The following FRMD6 variants were observed in gnomAD, a reference collection of about 807,000 sequenced individuals.
The protein encoded by FRMD6 is FERM domain containing 6.
A neutral mutation model predicts 73.2 loss-of-function variants in FRMD6; 37 were observed. That is an observed-to-expected ratio of 0.51 (90% CI 0.39 to 0.66). FRMD6 has a LOEUF of 0.66. Ranked by LOEUF, FRMD6 falls within the 30% of genes least tolerant of loss-of-function variation. FRMD6 has a pLI of 0.00. For missense variants in FRMD6, 714 were observed against 780.5 expected, an observed-to-expected ratio of 0.91 and a Z score of 1.02; for synonymous variants, 273 against 282.2, an observed-to-expected ratio of 0.97 and a Z score of 0.33.
intron 1 of FRMD6, among the ~76,000 whole-genome samples, chr14:51,540,146 C>G (rs986349771): frequency 6.6e-6 from 1 of 151,976 alleles, no homozygotes; most frequent in African/African-American, 2.4e-5. Context: ...TCCCCAGAAT[C>G]AGGAGAAACA....
At chr14:51,678,890 A>C (rs1297495988) in intron 1 of FRMD6, among the ~76,000 whole-genome samples, 3 of 152,142 alleles carry the variant, frequency 2.0e-5, no homozygotes. Context: ...GGCAGAGGGA[A>C]CAGCATGGTC....
At chr14:51,657,737 T>C (rs1488322347) in intron 1 of FRMD6, among the ~76,000 whole-genome samples, 8 of 152,098 alleles carry the variant, frequency 5.3e-5, no homozygotes, top group Non-Finnish European at 1.2e-4. Flanking sequence ...AGAGGTAAGA[T>C]GTGAGAGGAA....
chr14:51,627,818 A>G (rs942064581), intron 2 of FRMD6, among the ~76,000 whole-genome samples: 1 of 152,202 alleles, frequency 6.6e-6, no homozygotes, highest in Non-Finnish European at 1.5e-5. Flanking sequence ...GAGTCACAGG[A>G]CAGTGAATAG....
Position 51,715,354 on chromosome 14 carries a change from C to T in FRMD6, c.879C>T (p.Gly293=). 2 of 1,581,514 alleles carry T rather than the reference C, an allele frequency of 1.3e-6. No homozygotes were observed. Among genetic ancestry groups the T allele is most frequent in the Non-Finnish European group, 1.7e-6 (2 of 1,162,548 alleles). The change falls in exon 10 of 14, where the codon GGC becomes GGT. Residue 293 remains glycine, a synonymous_variant. Transcript: ENST00000344768. Reference sequence around the variant, plus strand: ...AGAAATTTGAGATTTTGCCAGATGGCTTGCCTTCTGCCCGGAAGCTCATAT... The same window carrying T: ...AGAAATTTGAGATTTTGCCAGATGGTTTGCCTTCTGCCCGGAAGCTCATAT... ...VGKKFEILPD[G]LPSARKLIYY...
intron 7 of FRMD6, among the ~76,000 whole-genome samples, chr14:51,710,313 G>C (rs1321454165): frequency 6.6e-6 from 1 of 152,066 alleles, no homozygotes; most frequent in Non-Finnish European, 1.5e-5. Context: ...TTTAGGAGCT[G>C]CTCATAAACG....
intron 1 of FRMD6, among the ~76,000 whole-genome samples, chr14:51,491,938 T>C (rs902077930): frequency 6.6e-6 from 1 of 152,196 alleles, no homozygotes; most frequent in Non-Finnish European, 1.5e-5. Flanking sequence ...GCCTGTGAGT[T>C]GTCTCTCCAA....
intron 1 of FRMD6, among the ~76,000 whole-genome samples, chr14:51,531,258 A>G (rs1885565974): frequency 6.6e-6 from 1 of 152,202 alleles, no homozygotes; most frequent in Admixed American, 6.5e-5. Context: ...TATCAACATC[A>G]TGTACCCCTT....
chr14:51,569,572 C>T (rs1268761273), intron 1 of FRMD6, among the ~76,000 whole-genome samples: 3 of 145,432 alleles, frequency 2.1e-5, no homozygotes, highest in African/African-American at 7.7e-5. Context: ...GGTGTGAACA[C>T]AGCTCATTGC....
intron 1 of FRMD6, among the ~76,000 whole-genome samples, chr14:51,500,806 A>G (rs1039644389): frequency 4.6e-5 from 7 of 152,178 alleles, no homozygotes; most frequent in Non-Finnish European, 8.8e-5. Flanking sequence ...GGTGTGAGTC[A>G]CATGTAGCTT....
intron 1 of FRMD6, among the ~76,000 whole-genome samples, chr14:51,680,056 A>G (rs1894692094): frequency 6.6e-6 from 1 of 152,194 alleles, no homozygotes; most frequent in South Asian, 2.1e-4. Context: ...ACAAAGAACA[A>G]AACTTTGAAA....
chr14:51,597,768 T>G (rs1889803543), intron 2 of FRMD6, among the ~76,000 whole-genome samples: 1 of 152,208 alleles, frequency 6.6e-6, no homozygotes, highest in Admixed American at 6.5e-5. Flanking sequence ...GTAAAGAAAT[T>G]CCAAGACCAG....
the FRMD6 span, among the ~76,000 whole-genome samples, chr14:51,433,867 A>G: frequency 6.6e-6 from 1 of 152,258 alleles, no homozygotes; most frequent in African/African-American, 2.4e-5. Flanking sequence ...ACAGTAAGAA[A>G]AGTAGCATTG....
At chr14:51,576,457 T>C (rs1888408589) in intron 2 of FRMD6, among the ~76,000 whole-genome samples, 2 of 152,200 alleles carry the variant, frequency 1.3e-5, no homozygotes, top group Admixed American at 1.3e-4. Context: ...TCCTCTGTCT[T>C]CTGAACTCGG....
At chr14:51,564,534 A>C (rs964666235) in intron 1 of FRMD6, among the ~76,000 whole-genome samples, 1 of 152,208 alleles carries the variant, frequency 6.6e-6, no homozygotes, top group Non-Finnish European at 1.5e-5. Flanking sequence ...CCGGGGTCTG[A>C]GAGAGCTGAC....
At chr14:51,588,907 C>T (rs909413336) in intron 2 of FRMD6, among the ~76,000 whole-genome samples, 2 of 152,198 alleles carry the variant, frequency 1.3e-5, no homozygotes, top group Non-Finnish European at 1.5e-5. Context: ...CTGTGCGCCA[C>T]GGCTGATGCC....
At position 51,575,411 on chromosome 14, in the gene FRMD6, C is replaced by T. The variant is rs558051642; in HGVS notation, c.-147+5001C>T. The stretch of plus-strand genomic sequence containing the variant: ...ATCAGGACTTTGGATCTTGCATCAG[C>T]GGAGGGGGCCACCTGGCTCTGACTT... On this transcript the variant is annotated intron_variant, in intron 2 of 14. Transcript: ENST00000356218. Among the ~76,000 whole-genome samples, 74 of 152,280 alleles carry T rather than the reference C, an allele frequency of 4.9e-4. 1 individual carries two copies. In the South Asian group the frequency reaches 0.014, roughly 29 times the overall value.
At chr14:51,442,370 C>T in the FRMD6 span, among the ~76,000 whole-genome samples, 1 of 152,062 alleles carries the variant, frequency 6.6e-6, no homozygotes, top group African/African-American at 2.4e-5. Flanking sequence ...TACACATGTA[C>T]TCCCACCCCT....
chr14:51,529,387 A>G (rs1451685693), intron 1 of FRMD6, among the ~76,000 whole-genome samples: 3 of 152,246 alleles, frequency 2.0e-5, no homozygotes, highest in African/African-American at 7.2e-5. Context: ...ATGTGAATGC[A>G]TGTAAAGTGG....
intron 1 of FRMD6, among the ~76,000 whole-genome samples, chr14:51,569,153 C>A (rs1887958717): frequency 6.6e-6 from 1 of 152,150 alleles, no homozygotes; most frequent in East Asian, 1.9e-4. Flanking sequence ...GCCAGAAAGG[C>A]TTTTACTGAA....
Sources: allele counts gnomAD v4.1 joint callset (sites outside exome capture counted in the v4.1 genomes callset), GRCh38; gene constraint gnomAD v4.1.1; transcripts MANE v1.5; gene names NCBI Gene and HGNC (gene_info 2026-07-23, HGNC 2026-07-21).